GPC5: variants seen among roughly 807,000 people sequenced by gnomAD.
GPC5 encodes the protein glypican 5.
In GPC5, 47 loss-of-function variants were observed where a neutral mutation model predicts 53.9. The observed-to-expected ratio is 0.87, with a 90% CI of 0.69 to 1.11. GPC5 has a LOEUF of 1.11. Among genes scored for constraint, GPC5 ranks in the 50% most tolerant of loss-of-function variants. The probability of loss-of-function intolerance (pLI) is 0.00; values close to 1 mark genes in which losing one functional copy is unlikely to be tolerated. For missense variants in GPC5, 748 were observed against 713.1 expected, an observed-to-expected ratio of 1.05 and a Z score of -0.56; for synonymous variants, 286 against 263.3, an observed-to-expected ratio of 1.09 and a Z score of -0.84.
intron 6 of GPC5, among the ~76,000 whole-genome samples, chr13:92,049,591 C>T (rs2041010621): frequency 6.6e-6 from 1 of 151,974 alleles, no homozygotes; most frequent in Admixed American, 6.6e-5. Context: ...ATTAATTGTT[C>T]CTTTACAATA....
chr13:91,430,443 G>A lies in GPC5; in HGVS notation c.164-18318G>A, dbSNP rs545407769. On this transcript the variant is annotated intron_variant, in intron 1 of 7. Coordinates refer to ENST00000377067, the MANE Select transcript of GPC5 (RefSeq NM_004466.6). ...GCCAATAAAGTCAATAAAATATGAAGAGAAGTTTTCTGGGACTTCTGAGAG... is the reference window on the plus strand; with the variant it reads ...GCCAATAAAGTCAATAAAATATGAAAAGAAGTTTTCTGGGACTTCTGAGAG... 3.5e-4 allele frequency among the ~76,000 whole-genome samples: 54 copies of A among 152,286 alleles called. 1 individual carries two copies. In the South Asian group the frequency reaches 0.011, roughly 31 times the overall value.
chr13:91,649,463 T>G (rs16946389), intron 2 of GPC5, among the ~76,000 whole-genome samples: 9,818 of 152,184 alleles, frequency 0.065, 1,047 homozygotes, highest in African/African-American at 0.22. Flanking sequence ...TAGAAAGTGC[T>G]GAGCCATTGT....
At chr13:91,888,404 T>C (rs1301347930) in intron 5 of GPC5, among the ~76,000 whole-genome samples, 1 of 152,166 alleles carries the variant, frequency 6.6e-6, no homozygotes, top group Non-Finnish European at 1.5e-5. Flanking sequence ...CAGGAAGTGA[T>C]CATTTTTGTA....
intron 6 of GPC5, among the ~76,000 whole-genome samples, chr13:91,997,749 A>C (rs1282425080): frequency 6.6e-6 from 1 of 152,074 alleles, no homozygotes; most frequent in Non-Finnish European, 1.5e-5. Context: ...TGAACTCCTG[A>C]CCTCAAATGA....
intron 7 of GPC5, among the ~76,000 whole-genome samples, chr13:92,162,911 A>G (rs1418121740): frequency 6.6e-6 from 1 of 152,114 alleles, no homozygotes; most frequent in Non-Finnish European, 1.5e-5. Context: ...TTATAAAATT[A>G]TATGTATTAT....
At chr13:92,776,481 C>T (rs1227077011) in intron 7 of GPC5, among the ~76,000 whole-genome samples, 1 of 152,164 alleles carries the variant, frequency 6.6e-6, no homozygotes, top group Non-Finnish European at 1.5e-5. Context: ...TTAATCACAT[C>T]TGCAAAGTCC....
At chr13:91,697,197 C>T (rs1594445190) in intron 3 of GPC5, among the ~76,000 whole-genome samples, 1 of 152,088 alleles carries the variant, frequency 6.6e-6, no homozygotes, top group South Asian at 2.1e-4. Context: ...GGCTGGAGTG[C>T]AGTGGCATGA....
At chr13:91,866,432 T>C (rs894149177) in intron 5 of GPC5, among the ~76,000 whole-genome samples, 5 of 152,194 alleles carry the variant, frequency 3.3e-5, no homozygotes, top group Non-Finnish European at 5.9e-5. Context: ...TGGATCCCCA[T>C]GAATGGTTTT....
chr13:91,994,780 G>C (rs1459839100), intron 6 of GPC5: 2 of 151,936 alleles, frequency 1.3e-5, no homozygotes, highest in Non-Finnish European at 2.9e-5. Flanking sequence ...ATTTTGTCTG[G>C]CATCAACCCT....
intron 7 of GPC5, among the ~76,000 whole-genome samples, chr13:92,275,456 A>T (rs1003611409): frequency 5.9e-5 from 9 of 152,170 alleles, no homozygotes; most frequent in Non-Finnish European, 1.3e-4. Context: ...ATAACAGGAC[A>T]TAATTTTGAC....
chr13:91,991,461 A>G (rs2040455857), intron 6 of GPC5, among the ~76,000 whole-genome samples: 1 of 152,226 alleles, frequency 6.6e-6, no homozygotes, highest in Non-Finnish European at 1.5e-5. Context: ...TACTAGTACT[A>G]TCTTTCATAT....
intron 7 of GPC5, among the ~76,000 whole-genome samples, chr13:92,328,402 A>G (rs1380656710): frequency 6.6e-6 from 1 of 152,176 alleles, no homozygotes; most frequent in Non-Finnish European, 1.5e-5. Flanking sequence ...GTTTTTGTCT[A>G]TTTCTAAGAG....
chr13:91,580,596 G>A (rs548698954), intron 2 of GPC5, among the ~76,000 whole-genome samples: 7 of 152,088 alleles, frequency 4.6e-5, no homozygotes, highest in Admixed American at 2.0e-4. Flanking sequence ...TTTTTAAATT[G>A]TTTGCAGAGA....
chr13:92,430,204 T>C, intron 7 of GPC5, among the ~76,000 whole-genome samples: 1 of 152,216 alleles, frequency 6.6e-6, no homozygotes, highest in Non-Finnish European at 1.5e-5. Context: ...CTATCCTGTT[T>C]AGAATGCTTG....
chr13:92,218,801 T>C (rs1255956277), intron 7 of GPC5, among the ~76,000 whole-genome samples: 1 of 152,160 alleles, frequency 6.6e-6, no homozygotes, highest in East Asian at 1.9e-4. Context: ...GGGATAAAAT[T>C]AGCATGTTAA....
At chr13:92,808,181 T>G (rs529774327) in intron 7 of GPC5, among the ~76,000 whole-genome samples, 1 of 152,190 alleles carries the variant, frequency 6.6e-6, no homozygotes, top group Non-Finnish European at 1.5e-5. Context: ...AGCACAAGTT[T>G]TATTATAAAC....
intron 6 of GPC5, among the ~76,000 whole-genome samples, chr13:92,096,795 T>TA (rs967439615): frequency 3.9e-5 from 6 of 152,292 alleles, no homozygotes; most frequent in East Asian, 1.9e-4. Flanking sequence ...CAGTGGCATT[T>TA]AAAAAACTAA....
chr13:91,786,692 T>C (rs1282915357), intron 5 of GPC5, among the ~76,000 whole-genome samples: 1 of 152,186 alleles, frequency 6.6e-6, no homozygotes, highest in Admixed American at 6.6e-5. Context: ...TAAACTATAA[T>C]ATTTATGTCA....
At position 91,520,206 on chromosome 13, in the gene GPC5, G is replaced by C. The variant is rs8002835; in HGVS notation, c.325+71284G>C. ...TAAATTGATTTTAAAGATGTTAAAT[G>C]TGTGAATGAAAAATAAAAAGGGTTA... On this transcript the variant is annotated intron_variant, in intron 2 of 7. Transcript: ENST00000377067. Among the ~76,000 whole-genome samples, 173 of 152,242 alleles carry C rather than the reference G, an allele frequency of 1.1e-3. 1 individual carries two copies. Among genetic ancestry groups the C allele is most frequent in the African/African-American group, 3.9e-3 (163 of 41,546 alleles).
Sources: allele counts gnomAD v4.1 joint callset (sites outside exome capture counted in the v4.1 genomes callset), GRCh38; gene constraint gnomAD v4.1.1; transcripts MANE v1.5; gene names NCBI Gene and HGNC (gene_info 2026-07-23, HGNC 2026-07-21).